The following DNAH6 variants were observed in gnomAD, a reference collection of about 807,000 sequenced individuals.
DNAH6 encodes dynein axonemal heavy chain 6, also known as axonemal beta dynein heavy chain 6.
DNAH6 carries 340 observed loss-of-function variants against 491.4 expected under a neutral mutation model. That is an observed-to-expected ratio of 0.69 (90% confidence interval 0.63 to 0.76). The LOEUF (loss-of-function observed/expected upper bound fraction) is 0.76. Among genes scored for constraint, DNAH6 ranks in the 30% least tolerant of loss-of-function variants. DNAH6 has a pLI of 0.00. For synonymous variants in DNAH6, 1,603 were observed against 1,686.1 expected, an observed-to-expected ratio of 0.95 and a Z score of 1.21; for missense variants, 4,443 against 4,972.2, an observed-to-expected ratio of 0.89 and a Z score of 3.20.
rs1432735625 is a variant in DNAH6, at chr2:84,607,075, G to C, written c.3274G>C (p.Ala1092Pro). The part of the protein sequence containing the change: ...TRVDEWQKQL[A>P]LFNQTLEEWL... ...AGTGGATGAATGGCAAAAACAACTT[G>C]CTTTATTTAATCAAACACTGGTGAG... Residue 1092 changes from alanine to proline, a missense_variant, in exon 21 of 77, where the codon GCT becomes CCT. By Grantham distance (27) the Ala-to-Pro change is conservative (BLOSUM62 -1). Transcript: ENST00000389394. The C allele has an allele frequency of 1.9e-6, 3 of 1,551,192 alleles. No individual in the cohort carries two copies. The highest frequency in any genetic ancestry group is 1.7e-6 in the Non-Finnish European group (2 of 1,146,710).
chr2:84,727,165 G>A (rs955025403), intron 60 of DNAH6, among the ~76,000 whole-genome samples: 3 of 152,100 alleles, frequency 2.0e-5, no homozygotes, highest in African/African-American at 7.2e-5. Context: ...GAAAAAACTG[G>A]TCCTGCTAGC....
chr2:84,553,628 ATTTTTTTTTTT>A (rs748931607), intron 10 of DNAH6, among the ~76,000 whole-genome samples: 1 of 90,996 alleles, frequency 1.1e-5, no homozygotes, highest in Non-Finnish European at 1.9e-5. Flanking sequence ...AGGACTGGCT[ATTTTTTTTTTT>A]TTTTTTTTTT....
At chr2:84,597,293 C>T (rs551131334) in intron 18 of DNAH6, among the ~76,000 whole-genome samples, 1 of 152,136 alleles carries the variant, frequency 6.6e-6, no homozygotes. Context: ...GACAAATAAC[C>T]CTTTAAAATG....
At chr2:84,771,145 G>A (rs926366574) in intron 64 of DNAH6, among the ~76,000 whole-genome samples, 5 of 151,934 alleles carry the variant, frequency 3.3e-5, no homozygotes, top group Non-Finnish European at 4.4e-5. Flanking sequence ...AAAATTTGCC[G>A]GGTGTAGTGG....
chr2:84,584,415 G>A (rs1683337634), intron 15 of DNAH6, 165 bp downstream of exon 15: 1 of 721,946 alleles, frequency 1.4e-6, no homozygotes, highest in Non-Finnish European at 2.2e-6. Flanking sequence ...GCTAATTAAT[G>A]TGTCCATCAC....
At chr2:84,576,428 C>T (rs1372636127) in intron 12 of DNAH6, among the ~76,000 whole-genome samples, 1 of 151,972 alleles carries the variant, frequency 6.6e-6, no homozygotes, top group African/African-American at 2.4e-5. Flanking sequence ...GAAACAGCAC[C>T]CCTTTCTCTT....
In DNAH6 at chr2:84,644,733, C is replaced by T. The variant is rs576507536; in HGVS notation, c.5078+2679C>T. Among the ~76,000 whole-genome samples, 4 of 152,256 alleles carry T rather than the reference C, an allele frequency of 2.6e-5. No individual in the cohort carries two copies. In the East Asian group the frequency reaches 7.7e-4, roughly 29 times the overall value. ...TGCATTAGTTTGCTAAGGATAATGG[C>T]CTCCAGCTCCATCCACGTTCCTGCA... On this transcript the variant is annotated intron_variant, in intron 33 of 76. Transcript: ENST00000389394.
In DNAH6 at chr2:84,531,721, G is replaced by T. The variant is rs190531615; in HGVS notation, c.662+2555G>T. Reference sequence around the variant, plus strand: ...ATTTTGGGATGTCAAAAGGAGAAGAGATGGTAGACGAAGGAGAATTGGGGT... The same window carrying T: ...ATTTTGGGATGTCAAAAGGAGAAGATATGGTAGACGAAGGAGAATTGGGGT... On this transcript the variant is annotated intron_variant, in intron 4 of 76. Transcript: ENST00000389394. Among the ~76,000 whole-genome samples the T allele has an allele frequency of 1.5e-3, 207 of 142,140 alleles. 2 individuals carry two copies. Among genetic ancestry groups the T allele is most frequent in the African/African-American group, 4.8e-3 (191 of 39,958 alleles). 93.2% of individuals were successfully genotyped at this position (142,140 alleles called of 152,430 possible).
intron 33 of DNAH6, among the ~76,000 whole-genome samples, chr2:84,649,273 G>A (rs57618953): frequency 0.012 from 1,818 of 152,260 alleles, 38 homozygotes; most frequent in African/African-American, 0.042. Context: ...TGAACCCACA[G>A]CATCTCTGAA....
intron 1 of DNAH6, 149 bp from the exon 2 acceptor site, chr2:84,517,670 G>C (rs181572571): frequency 3.2e-6 from 2 of 622,656 alleles, no homozygotes; most frequent in African/African-American, 1.9e-5. Flanking sequence ...TCCTCAGTTC[G>C]GGAAGACTGG....
chr2:84,582,796 A>T (rs1000698829), intron 14 of DNAH6, among the ~76,000 whole-genome samples: 1 of 152,188 alleles, frequency 6.6e-6, no homozygotes, highest in African/African-American at 2.4e-5. Context: ...ATTGCAATGG[A>T]AGCTAAAGAT....
chr2:84,667,347 C>G (rs1479027168), intron 37 of DNAH6, among the ~76,000 whole-genome samples: 2 of 152,104 alleles, frequency 1.3e-5, no homozygotes, highest in Non-Finnish European at 2.9e-5. Flanking sequence ...ACAATCTACC[C>G]ATCTGACAAA....
chr2:84,482,253 C>G, the DNAH6 span, among the ~76,000 whole-genome samples: 1 of 152,040 alleles, frequency 6.6e-6, no homozygotes, highest in South Asian at 2.1e-4. Flanking sequence ...ATAGAAAGAA[C>G]AACACACAAA....
intron 62 of DNAH6, 79 bp from the exon 63 acceptor site, chr2:84,745,001 T>C (rs1236068506): frequency 3.0e-6 from 3 of 1,009,990 alleles, no homozygotes; most frequent in East Asian, 2.7e-5. Context: ...ATAGAGATAT[T>C]TTTAAATTAC....
At chr2:84,563,020 C>T (rs943902345) in intron 11 of DNAH6, among the ~76,000 whole-genome samples, 1 of 152,086 alleles carries the variant, frequency 6.6e-6, no homozygotes, top group Non-Finnish European at 1.5e-5. Context: ...GAATAAGTCT[C>T]AGGAGATCTG....
chr2:84,539,398 T>C (rs560023273), intron 4 of DNAH6, among the ~76,000 whole-genome samples: 1 of 152,238 alleles, frequency 6.6e-6, no homozygotes, highest in Admixed American at 6.6e-5. Flanking sequence ...TTTCATTTCA[T>C]ACAAAAATCT....
At chr2:84,746,081 G>A (rs1672954798) in intron 63 of DNAH6, among the ~76,000 whole-genome samples, 1 of 152,178 alleles carries the variant, frequency 6.6e-6, no homozygotes, top group Non-Finnish European at 1.5e-5. Flanking sequence ...AATGAGAAAG[G>A]AGTAATGTGT....
At chr2:84,619,560 G>T in intron 23 of DNAH6, 125 bp from the exon 24 acceptor site, 1 of 811,420 alleles carries the variant, frequency 1.2e-6, no homozygotes, top group Non-Finnish European at 1.9e-6. Flanking sequence ...CCCATGACCA[G>T]TATAATTGGA....
At chr2:84,654,307 T>A (rs772087078) in intron 34 of DNAH6, among the ~76,000 whole-genome samples, 9 of 152,188 alleles carry the variant, frequency 5.9e-5, no homozygotes, top group Admixed American at 1.3e-4. Context: ...ACCTGTGTTC[T>A]ATTCATTCAT....
Sources: gnomAD v4.1 joint callset for allele counts (sites outside exome capture counted in the v4.1 genomes callset) on GRCh38, gnomAD v4.1.1 for gene constraint, MANE v1.5 for transcripts, NCBI Gene and HGNC (gene_info 2026-07-23, HGNC 2026-07-21) for gene names.